The following AMPH variants were observed in gnomAD, a reference collection of about 807,000 sequenced individuals.
AMPH encodes amphiphysin.
In AMPH, 49 loss-of-function variants were observed where a neutral mutation model predicts 99.1. The observed-to-expected ratio is 0.49, with a 90% CI of 0.39 to 0.63. AMPH has a LOEUF of 0.63. Ranked by LOEUF, AMPH falls within the 20% of genes least tolerant of loss-of-function variation. The probability of loss-of-function intolerance (pLI) is 0.00; values close to 1 mark genes in which losing one functional copy is unlikely to be tolerated. For synonymous variants in AMPH, 314 were observed against 317.3 expected (o/e 0.99, Z 0.11); for missense variants, 759 against 863.4 (o/e 0.88, Z 1.52).
intron 7 of AMPH, among the ~76,000 whole-genome samples, chr7:38,469,273 T>C (rs1584132933): frequency 6.6e-6 from 1 of 151,730 alleles, no homozygotes; most frequent in East Asian, 1.9e-4. Flanking sequence ...ACAGGGACTC[T>C]GAGACATCAC....
rs975755080 is a variant in AMPH at position 38,462,906 on chromosome 7, T to C, written c.888+69A>G. 3 of 1,458,544 alleles carry C rather than the reference T, an allele frequency of 2.1e-6. No individual in the cohort carries two copies. In the African/African-American group the frequency reaches 4.2e-5, roughly 21 times the overall value. 90.4% of individuals were successfully genotyped at this position (1,458,544 alleles called of 1,614,324 possible). On this transcript the variant is annotated intron_variant, in intron 10 of 20. Transcript: ENST00000356264. ...CTCTTAAAGCCCCGGCACCGTGGGA[T>C]TATCCTAGATGGGGCCACCTTCATC...
intron 12 of AMPH, among the ~76,000 whole-genome samples, chr7:38,434,238 AT>A (rs2128994749): frequency 6.6e-6 from 1 of 152,308 alleles, no homozygotes; most frequent in East Asian, 1.9e-4. Flanking sequence ...ACTTTTGAAG[AT>A]TAAACCAAGG....
Position 38,476,893 on chromosome 7 carries a change from G to T in AMPH, c.473C>A (p.Ser158Tyr). Reference protein sequence around the residue: ...ARHHLEALQSSKRKDESRISK... With the variant: ...ARHHLEALQSYKRKDESRISK... ...GATTCGACTCTCATCCTTCCTCTTG[G>T]AGCTCTGCAGAGCTTCCAGATGGTG... Residue 158 changes from serine (S) to tyrosine (Y), a missense_variant, in exon 6 of 21, where the codon TCC (serine) becomes TAC (tyrosine). Transcript: ENST00000356264. The T allele has an allele frequency of 6.2e-7, 1 of 1,613,516 alleles. No individual in the cohort carries two copies. The highest frequency in any genetic ancestry group is 8.5e-7 in the Non-Finnish European group (1 of 1,179,682).
intron 1 of AMPH, among the ~76,000 whole-genome samples, chr7:38,582,745 T>C (rs369460080): frequency 3.9e-5 from 6 of 152,190 alleles, no homozygotes; most frequent in Non-Finnish European, 8.8e-5. Context: ...CATATACTTA[T>C]AGCAAAGCTT....
chr7:38,502,991 G>A (rs570490223), intron 3 of AMPH, among the ~76,000 whole-genome samples: 118 of 152,108 alleles, frequency 7.8e-4, no homozygotes, highest in Non-Finnish European at 1.5e-3. Context: ...ATATCCGTGG[G>A]CACACTTGGC....
intron 1 of AMPH, among the ~76,000 whole-genome samples, chr7:38,580,051 C>T (rs1792388055): frequency 6.6e-6 from 1 of 152,152 alleles, no homozygotes; most frequent in South Asian, 2.1e-4. Flanking sequence ...TGCTCACATA[C>T]ATTTACAGAT....
rs144105523 is a variant in AMPH, at chr7:38,530,649, C to T, written c.150+4282G>A. On this transcript the variant is annotated intron_variant, in intron 2 of 20. Transcript: ENST00000356264. ...GCCACAGGTGCAGCATCTTACTGGG[C>T]GAGTTTATTAGCAGGAAGGAGGGAG... 2.3e-3 allele frequency among the ~76,000 whole-genome samples: 344 copies of T among 152,200 alleles called. 1 individual carries two copies. The highest frequency in any genetic ancestry group is 7.6e-3 in the African/African-American group (315 of 41,536).
intron 1 of AMPH, among the ~76,000 whole-genome samples, chr7:38,562,244 T>C (rs1259882303): frequency 6.6e-6 from 1 of 152,176 alleles, no homozygotes; most frequent in African/African-American, 2.4e-5. Flanking sequence ...ATTGACACTT[T>C]CTATTCTTTC....
intron 1 of AMPH, among the ~76,000 whole-genome samples, chr7:38,552,888 T>C (rs116061595): frequency 0.016 from 2,393 of 152,312 alleles, 68 homozygotes; most frequent in African/African-American, 0.055. Context: ...TACATGTGCA[T>C]TGAGACCTCC....
intron 1 of AMPH, among the ~76,000 whole-genome samples, chr7:38,610,771 T>A (rs28510981): frequency 0.08 from 12,177 of 152,160 alleles, 803 homozygotes; most frequent in African/African-American, 0.17. Flanking sequence ...TAAAAAGGAA[T>A]GTAAAACATT....
intron 1 of AMPH, among the ~76,000 whole-genome samples, chr7:38,603,431 G>T (rs1291862178): frequency 2.6e-5 from 4 of 151,456 alleles, no homozygotes; most frequent in African/African-American, 9.7e-5. Context: ...TCAAAGCAAA[G>T]AAAGAGGCTA....
At chr7:38,475,223 C>CTGGA (rs1256175413) in intron 7 of AMPH, 108 bp downstream of exon 7, 1 of 723,700 alleles carries the variant, frequency 1.4e-6, no homozygotes, top group Non-Finnish European at 2.3e-6. Context: ...AACACTTTCA[C>CTGGA]TGGACAGTGT....
intron 1 of AMPH, among the ~76,000 whole-genome samples, chr7:38,555,237 T>C (rs1167577534): frequency 1.6e-5 from 2 of 127,112 alleles, no homozygotes; most frequent in African/African-American, 6.4e-5. Context: ...AGAACCTGTC[T>C]CTAACACAAT....
At chr7:38,414,048 C>T (rs918463295) in intron 17 of AMPH, among the ~76,000 whole-genome samples, 1 of 152,224 alleles carries the variant, frequency 6.6e-6, no homozygotes, top group Admixed American at 6.5e-5. Context: ...CTGTATTCTC[C>T]AGATCCAGAA....
At chr7:38,586,289 T>G (rs367857531) in intron 1 of AMPH, among the ~76,000 whole-genome samples, 39 of 152,328 alleles carry the variant, frequency 2.6e-4, no homozygotes, top group African/African-American at 8.4e-4. Flanking sequence ...GCCATTCTTG[T>G]GTCACATGTC....
At chr7:38,570,314 C>T (rs925952463) in intron 1 of AMPH, among the ~76,000 whole-genome samples, 1 of 152,086 alleles carries the variant, frequency 6.6e-6, no homozygotes, top group Non-Finnish European at 1.5e-5. Flanking sequence ...TATGATCATC[C>T]AGAAACCTCC....
rs1554336916 is a variant in AMPH at position 38,441,826 on chromosome 7, C to CTATCATATATATG, written c.1018-5439_1018-5438insCATATATATGATA. On this transcript the variant is annotated intron_variant, in intron 11 of 20. Coordinates refer to ENST00000356264, the MANE Select transcript of AMPH (RefSeq NM_001635.4). The stretch of plus-strand genomic sequence containing the variant: ...TATATATATCATATATATCATATAT[C>CTATCATATATATG]ATATATATCATATATCATATATATC... Among the ~76,000 whole-genome samples, 450 of 96,722 alleles carry CTATCATATATATG rather than the reference C, an allele frequency of 4.7e-3. 18 individuals carry two copies. The highest frequency in any genetic ancestry group is 0.013 in the Middle Eastern group (3 of 224). 63.5% of individuals were successfully genotyped at this position (96,722 alleles called of 152,430 possible).
chr7:38,545,924 T>C (rs1473558385), intron 1 of AMPH, among the ~76,000 whole-genome samples: 2 of 152,190 alleles, frequency 1.3e-5, no homozygotes, highest in African/African-American at 4.8e-5. Flanking sequence ...CAAAACAAAT[T>C]ATACATACAT....
Position 38,571,282 on chromosome 7 carries a change from T to TTATATATAGA in AMPH, c.70-36272_70-36271insTCTATATATA, listed in dbSNP as rs1491275199. Among the ~76,000 whole-genome samples, 342 of 41,106 alleles carry TTATATATAGA rather than the reference T, an allele frequency of 8.3e-3. 14 individuals carry two copies. Among genetic ancestry groups the TTATATATAGA allele is most frequent in the South Asian group, 0.017 (26 of 1,560 alleles). The allele number at this position is 41,106 out of a possible 152,430, so 27.0% of individuals were successfully genotyped here. On this transcript the variant is annotated intron_variant, in intron 1 of 20. Coordinates refer to ENST00000356264, the MANE Select transcript of AMPH (RefSeq NM_001635.4). Reference sequence around the variant, plus strand: ...AAATATATATTTATATATATATTTTTATATATATTTATATATGAATATATA... The same window carrying TTATATATAGA: ...AAATATATATTTATATATATATTTTTTATATATAGAATATATATTTATATATGAATATATA...
Sources: allele counts gnomAD v4.1 joint callset (sites outside exome capture counted in the v4.1 genomes callset), GRCh38; gene constraint gnomAD v4.1.1; transcripts MANE v1.5; gene names NCBI Gene and HGNC (gene_info 2026-07-23, HGNC 2026-07-21).